The following ZDHHC13 variants were observed in gnomAD, a reference collection of about 807,000 sequenced individuals.
ZDHHC13 encodes the protein palmitoyltransferase ZDHHC13.
Under a neutral mutation model 86.0 loss-of-function variants are expected in ZDHHC13, and 85 were observed. The ratio of observed to expected loss-of-function variants is 0.99; its 90% CI spans 0.83 to 1.18. ZDHHC13 has a LOEUF of 1.18. Ranked by LOEUF, ZDHHC13 falls within the 50% of genes most tolerant of loss-of-function variation. ZDHHC13 has a pLI of 0.00. For synonymous variants in ZDHHC13, 263 were observed against 246.4 expected (o/e 1.07, Z -0.63); for missense variants, 711 against 730.2 (o/e 0.97, Z 0.30).
intron 2 of ZDHHC13, among the ~76,000 whole-genome samples, chr11:19,144,840 G>T (rs1180952961): frequency 6.6e-6 from 1 of 152,206 alleles, no homozygotes; most frequent in East Asian, 1.9e-4. Context: ...AATAGGCCGG[G>T]TGTGGTGGCT....
At chr11:19,171,090 G>C (rs1414719853) in intron 15 of ZDHHC13, among the ~76,000 whole-genome samples, 1 of 152,202 alleles carries the variant, frequency 6.6e-6, no homozygotes, top group East Asian at 1.9e-4. Context: ...ACTATGCAGT[G>C]TTTAAATGGA....
chr11:19,131,239 C>G (rs1305638252), intron 1 of ZDHHC13, among the ~76,000 whole-genome samples: 1 of 152,026 alleles, frequency 6.6e-6, no homozygotes, highest in Admixed American at 6.5e-5. Flanking sequence ...AGGCTGGTCT[C>G]GAACTCCTGT....
chr11:19,155,795 G>C lies in ZDHHC13; in HGVS notation c.874-1G>C, dbSNP rs527369373. The C allele has an allele frequency of 5.6e-6, 9 of 1,610,778 alleles. No homozygotes were observed. The highest frequency in any genetic ancestry group is 7.6e-6 in the Non-Finnish European group (9 of 1,179,336). On this transcript the variant is annotated splice_acceptor_variant, in intron 8 of 16. Transcript: ENST00000446113. LOFTEE classifies it high-confidence loss of function. The stretch of plus-strand genomic sequence containing the variant: ...TTCTAAAATTCTGAATCTCTTAATA[G>C]CTCTTCCTGCTGCTGATGCTTTCTG...
intron 11 of ZDHHC13, 94 bp downstream of exon 11, chr11:19,163,521 C>A (rs186561925): frequency 1.6e-6 from 2 of 1,280,708 alleles, no homozygotes; most frequent in African/African-American, 1.5e-5. Context: ...CTTTTTGTTA[C>A]GGCTGCATGA....
At chr11:19,167,285 T>C (rs1850097214) in intron 14 of ZDHHC13, 1 of 152,258 alleles carries the variant, frequency 6.6e-6, no homozygotes, top group African/African-American at 2.4e-5. Context: ...TTGCTTGAGC[T>C]GAAGTCTGGA....
intron 15 of ZDHHC13, among the ~76,000 whole-genome samples, chr11:19,170,797 G>A (rs1850201814): frequency 6.6e-6 from 1 of 152,152 alleles, no homozygotes; most frequent in Non-Finnish European, 1.5e-5. Flanking sequence ...TTAAAGGTTA[G>A]CATAATAAAT....
At chr11:19,138,233 C>G (rs1849204032) in intron 1 of ZDHHC13, among the ~76,000 whole-genome samples, 1 of 151,158 alleles carries the variant, frequency 6.6e-6, no homozygotes, top group Non-Finnish European at 1.5e-5. Flanking sequence ...AAGGGGATAT[C>G]ACCACCAATC....
At chr11:19,144,445 G>A (rs1407850677) in intron 2 of ZDHHC13, among the ~76,000 whole-genome samples, 1 of 151,638 alleles carries the variant, frequency 6.6e-6, no homozygotes, top group Non-Finnish European at 1.5e-5. Context: ...GTGTGTGTGT[G>A]TGTGTGTGTG....
intron 1 of ZDHHC13, among the ~76,000 whole-genome samples, chr11:19,125,051 G>T (rs1314848270): frequency 6.6e-6 from 1 of 152,114 alleles, no homozygotes; most frequent in African/African-American, 2.4e-5. Flanking sequence ...CAGAGGAATT[G>T]TGACCCCAAG....
intron 1 of ZDHHC13, among the ~76,000 whole-genome samples, chr11:19,142,156 AGTT>A (rs1849339497): frequency 2.6e-5 from 4 of 151,984 alleles, no homozygotes; most frequent in Non-Finnish European, 5.9e-5. Context: ...TCCTCTTTCT[AGTT>A]CATTTGGTTA....
rs1361913003 is a variant in ZDHHC13, at chr11:19,163,421, G to A, written c.1227G>A (p.Lys409=). The A allele has an allele frequency of 6.3e-7, 1 of 1,584,938 alleles. No homozygotes were observed. Among genetic ancestry groups the A allele is most frequent in the South Asian group, 1.2e-5 (1 of 85,030 alleles). Residue 409 remains lysine (K), a synonymous_variant, in exon 11 of 17, where the codon AAG becomes AAA. Transcript: ENST00000446113. ...PGFTKASEEE[K]KVNIITLAET... ...TCACTAAGGCTTCTGAAGAAGAAAA[G>A]AAAGTGGTGAGATTTCTTCGTTACT...
intron 1 of ZDHHC13, among the ~76,000 whole-genome samples, chr11:19,141,139 GAA>G (rs1237570014): frequency 6.6e-6 from 1 of 151,680 alleles, no homozygotes; most frequent in Non-Finnish European, 1.5e-5. Context: ...TTTCTTTAGA[GAA>G]TGCAATATAC....
intron 3 of ZDHHC13, among the ~76,000 whole-genome samples, chr11:19,146,932 G>A (rs1849482613): frequency 6.6e-6 from 1 of 152,046 alleles, no homozygotes; most frequent in South Asian, 2.1e-4. Context: ...ATACTCACAG[G>A]CAAACTCCTC....
intron 16 of ZDHHC13, among the ~76,000 whole-genome samples, chr11:19,173,901 A>G (rs1461893039): frequency 1.3e-5 from 2 of 152,218 alleles, no homozygotes; most frequent in Non-Finnish European, 2.9e-5. Context: ...AGAGGGACAC[A>G]TGAGAGCACT....
At chr11:19,162,296 T>G (rs1447193097) in intron 10 of ZDHHC13, among the ~76,000 whole-genome samples, 1 of 152,140 alleles carries the variant, frequency 6.6e-6, no homozygotes, top group Non-Finnish European at 1.5e-5. Context: ...TAGCTCCATA[T>G]TGAGAGACTT....
chr11:19,175,909 G>A lies in ZDHHC13; in HGVS notation c.1818G>A (p.Gln606=). 6.2e-7 allele frequency: 1 copy of A among 1,613,086 alleles called. No individual in the cohort carries two copies. Among genetic ancestry groups the A allele is most frequent in the Non-Finnish European group, 8.5e-7 (1 of 1,179,586 alleles). Residue 606 remains glutamine (Q), a synonymous_variant, in exon 17 of 17, where the codon CAG becomes CAA. Coordinates refer to ENST00000446113, the MANE Select transcript of ZDHHC13 (RefSeq NM_019028.3). ...CCTGTGTGGTAGATTGGACATCACAGTACACCATGGTCTTTCACCCAGCCA... is the reference window on the plus strand; with the variant it reads ...CCTGTGTGGTAGATTGGACATCACAATACACCATGGTCTTTCACCCAGCCA... ...VKPCVVDWTS[Q]YTMVFHPARE... is the part of the protein sequence containing the mutation.
At chr11:19,137,066 G>C (rs1310857204) in intron 1 of ZDHHC13, among the ~76,000 whole-genome samples, 2 of 151,850 alleles carry the variant, frequency 1.3e-5, no homozygotes, top group African/African-American at 4.8e-5. Context: ...ACACATAACA[G>C]TATTAACTTT....
intron 11 of ZDHHC13, among the ~76,000 whole-genome samples, 197 bp downstream of exon 11, chr11:19,163,624 T>C (rs1168207406): frequency 6.6e-6 from 1 of 152,192 alleles, no homozygotes; most frequent in Admixed American, 6.6e-5. Context: ...TTATTTTCTG[T>C]TGAAATAATA....
In ZDHHC13 at chr11:19,145,065, C is replaced by G. The variant is rs573065114; in HGVS notation, c.174-1116C>G. ...CAGAGGTTGAAGTGAGCTGAGATTG[C>G]GCCACTGCACTCCAGCCTGGGCGAC... On this transcript the variant is annotated intron_variant, in intron 2 of 16. Coordinates refer to ENST00000446113, the MANE Select transcript of ZDHHC13 (RefSeq NM_019028.3). 3.3e-5 allele frequency among the ~76,000 whole-genome samples: 5 copies of G among 151,836 alleles called. No homozygotes were observed. In the South Asian group the frequency reaches 6.2e-4, roughly 19 times the overall value.
Sources: allele counts gnomAD v4.1 joint callset (sites outside exome capture counted in the v4.1 genomes callset), GRCh38; gene constraint gnomAD v4.1.1; transcripts MANE v1.5; gene names NCBI Gene and HGNC (gene_info 2026-07-23, HGNC 2026-07-21).